The following UNC13C variants were observed in gnomAD, a reference collection of about 807,000 sequenced individuals.
The protein encoded by UNC13C is protein unc-13 homolog C.
UNC13C carries 174 observed loss-of-function variants against 245.4 expected under a neutral mutation model. The observed-to-expected ratio is 0.71, with a 90% CI of 0.63 to 0.80. The LOEUF is 0.80. UNC13C is among the 30% of genes least tolerant of loss of function. The pLI is 0.00. For synonymous variants in UNC13C, 992 were observed against 895.1 expected, an observed-to-expected ratio of 1.11 and a Z score of -1.93; for missense variants, 2,829 against 2,602.9, an observed-to-expected ratio of 1.09 and a Z score of -1.89.
At chr15:53,995,844 A>G (rs1163485592) in intron 1 of UNC13C, among the ~76,000 whole-genome samples, 1 of 152,164 alleles carries the variant, frequency 6.6e-6, no homozygotes, top group Non-Finnish European at 1.5e-5. Flanking sequence ...TGAGGCTGGA[A>G]CTGGATGGTG....
intron 19 of UNC13C, among the ~76,000 whole-genome samples, chr15:54,479,753 T>G (rs752285699): frequency 5.9e-5 from 9 of 152,146 alleles, no homozygotes; most frequent in Non-Finnish European, 1.0e-4. Context: ...CTAGTAAATT[T>G]TATACTTTTT....
At chr15:54,484,794 C>T (rs1449618509) in intron 19 of UNC13C, among the ~76,000 whole-genome samples, 1 of 151,970 alleles carries the variant, frequency 6.6e-6, no homozygotes, top group East Asian at 1.9e-4. Flanking sequence ...AAATCAATTT[C>T]CTCCCACAAA....
At chr15:54,572,987 G>T (rs1218021809) in intron 30 of UNC13C, among the ~76,000 whole-genome samples, 5 of 151,720 alleles carry the variant, frequency 3.3e-5, no homozygotes, top group Non-Finnish European at 5.9e-5. Flanking sequence ...TGTTAGAAAA[G>T]TAACTATTGC....
At chr15:54,075,485 G>A (rs12898831) in intron 2 of UNC13C, among the ~76,000 whole-genome samples, 78,894 of 100,276 alleles carry the variant, frequency 0.79, 29,706 homozygotes, top group Non-Finnish European at 0.85. Context: ...CAGTGAGCCG[G>A]AGCTTGCAGT....
the UNC13C span, among the ~76,000 whole-genome samples, chr15:53,865,481 C>A: frequency 1.3e-5 from 2 of 152,150 alleles, no homozygotes; most frequent in Non-Finnish European, 2.9e-5. Context: ...GTCTCTTCTT[C>A]TTCTAAGGAC....
At chr15:54,379,592 G>A (rs2039677553) in intron 17 of UNC13C, among the ~76,000 whole-genome samples, 1 of 151,932 alleles carries the variant, frequency 6.6e-6, no homozygotes, top group Admixed American at 6.6e-5. Context: ...TGTATGTAAG[G>A]CCAAATTTGC....
chr15:53,968,034 G>A, the UNC13C span: 1 of 152,130 alleles, frequency 6.6e-6, no homozygotes, highest in East Asian at 1.9e-4. Flanking sequence ...GTACAATGGA[G>A]AATGTCTCTG....
intron 4 of UNC13C, among the ~76,000 whole-genome samples, chr15:54,175,589 T>G (rs951446760): frequency 1.4e-5 from 2 of 147,416 alleles, no homozygotes; most frequent in Non-Finnish European, 3.0e-5. Flanking sequence ...CTCGGCTCAC[T>G]GCAAGCTCCG....
downstream of UNC13C, chr15:54,631,046 A>G (rs1901448346): frequency 6.6e-6 from 1 of 152,144 alleles, no homozygotes; most frequent in Non-Finnish European, 1.5e-5. Flanking sequence ...TTAGTTGTCT[A>G]TTTTAAAACA....
chr15:54,544,605 G>A (rs920488145), intron 26 of UNC13C, among the ~76,000 whole-genome samples: 7 of 152,208 alleles, frequency 4.6e-5, no homozygotes, highest in African/African-American at 1.4e-4. Context: ...AAAGTCTCAG[G>A]ATACAAAATC....
chr15:53,951,803 G>A, the UNC13C span, among the ~76,000 whole-genome samples: 5 of 152,118 alleles, frequency 3.3e-5, no homozygotes, highest in Admixed American at 2.6e-4. Flanking sequence ...TAAAGTGCAA[G>A]TAACCTTTCC....
intron 17 of UNC13C, among the ~76,000 whole-genome samples, chr15:54,392,066 TC>T (rs957639705): frequency 6.6e-6 from 1 of 152,074 alleles, no homozygotes; most frequent in Non-Finnish European, 1.5e-5. Flanking sequence ...TTTTCAAATA[TC>T]CTGCACCTAT....
rs769264153 is a variant in UNC13C at position 54,627,239 on chromosome 15, G to A, written c.*126G>A. 42 of 1,034,748 alleles carry A rather than the reference G, an allele frequency of 4.1e-5. No individual in the cohort carries two copies. Among genetic ancestry groups the A allele is most frequent in the Middle Eastern group, 6.5e-4 (2 of 3,074 alleles). The allele number at this position is 1,034,748 out of a possible 1,614,324, so 64.1% of individuals were successfully genotyped here. ...CAGTACTCATGTACGATGTCTACAA[G>A]GTATGTAAAAAACCTGCTGAACTTT... On this transcript the variant is annotated 3_prime_UTR_variant, in exon 33 of 33. Coordinates refer to ENST00000260323, the MANE Select transcript of UNC13C (RefSeq NM_001080534.3).
chr15:54,579,571 C>T (rs182204826), intron 30 of UNC13C, among the ~76,000 whole-genome samples: 17 of 151,956 alleles, frequency 1.1e-4, no homozygotes, highest in Non-Finnish European at 1.8e-4. Context: ...TTCCAGCTAA[C>T]ACAGTGAAAC....
At chr15:53,939,181 A>T in the UNC13C span, among the ~76,000 whole-genome samples, 1 of 152,146 alleles carries the variant, frequency 6.6e-6, no homozygotes, top group East Asian at 1.9e-4. Flanking sequence ...ACAGAAATAC[A>T]CACAACCATC....
chr15:54,150,028 G>T (rs780975185), intron 4 of UNC13C, among the ~76,000 whole-genome samples: 28 of 152,166 alleles, frequency 1.8e-4, no homozygotes, highest in Non-Finnish European at 4.0e-4. Flanking sequence ...ATCTCCTATG[G>T]ATACCAAAGG....
At chr15:53,918,104 G>T in the UNC13C span, among the ~76,000 whole-genome samples, 1 of 152,124 alleles carries the variant, frequency 6.6e-6, no homozygotes, top group South Asian at 2.1e-4. Flanking sequence ...TTAAAATGTG[G>T]ATTGTTTTAA....
At chr15:54,203,069 T>C (rs567207608) in intron 4 of UNC13C, among the ~76,000 whole-genome samples, 20 of 151,858 alleles carry the variant, frequency 1.3e-4, no homozygotes, top group African/African-American at 4.1e-4. Context: ...AACAAGCATA[T>C]GGAAAGATGC....
chr15:54,259,557 A>G (rs1312896364), intron 8 of UNC13C, among the ~76,000 whole-genome samples: 1 of 152,224 alleles, frequency 6.6e-6, no homozygotes, highest in Admixed American at 6.5e-5. Flanking sequence ...CCATGATTCA[A>G]TTATCTCCCA....
Sources: allele counts gnomAD v4.1 joint callset (sites outside exome capture counted in the v4.1 genomes callset), GRCh38; gene constraint gnomAD v4.1.1; transcripts MANE v1.5; gene names NCBI Gene and HGNC (gene_info 2026-07-23, HGNC 2026-07-21).